Variants in FNDC3B observed in about 807,000 individuals in gnomAD.
The protein encoded by FNDC3B is fibronectin type III domain containing 3B.
A neutral mutation model predicts 151.5 loss-of-function variants in FNDC3B; 12 were observed. That is an observed-to-expected ratio of 0.08 (90% CI 0.05 to 0.13). FNDC3B has a LOEUF of 0.13. Ranked by LOEUF, FNDC3B falls within the 10% of genes least tolerant of loss-of-function variation. The probability of loss-of-function intolerance (pLI) is 1.00; values close to 1 mark genes in which losing one functional copy is unlikely to be tolerated. For missense variants in FNDC3B, 1,214 were observed against 1,505.3 expected (o/e 0.81, Z 3.20); for synonymous variants, 528 against 549.0 (o/e 0.96, Z 0.54).
rs151201539 is a variant in FNDC3B at position 172,341,515 on chromosome 3, GAATTTGCATTGACTA to G, written c.1971+288_1971+302del. ...ACCTGTGACAGTTGAAAATTGTCTG[GAATTTGCATTGACTA>G]AATAAAGGAGACCTCGGTTATTGCA... is the stretch of plus-strand genomic sequence containing the variant. On this transcript the variant is annotated intron_variant, in intron 17 of 25. Coordinates refer to ENST00000415807, the MANE Select transcript of FNDC3B (RefSeq NM_022763.4). Among the ~76,000 whole-genome samples the G allele has an allele frequency of 5.1e-3, 770 of 152,236 alleles. 6 individuals carry two copies. The highest frequency in any genetic ancestry group is 0.017 in the African/African-American group (723 of 41,524).
Position 172,369,237 on chromosome 3 carries a change from A to AT in FNDC3B, c.3008+6399dup, listed in dbSNP as rs529490388. On this transcript the variant is annotated intron_variant, in intron 23 of 25. Transcript: ENST00000415807. ...AAATAACAGAATGGAATTAGATAGC[A>AT]TTTTTTTCAGGTTGAAACAAGGCCA... is the stretch of plus-strand genomic sequence containing the variant. Among the ~76,000 whole-genome samples the AT allele has an allele frequency of 3.4e-3, 515 of 152,178 alleles. 1 individual carries two copies. Among genetic ancestry groups the AT allele is most frequent in the Middle Eastern group, 0.017 (5 of 294 alleles).
intron 3 of FNDC3B, chr3:172,225,310 AC>A: frequency 6.5e-6 from 1 of 154,422 alleles, no homozygotes; most frequent in Non-Finnish European, 1.4e-5. Flanking sequence ...AGTAGCTAGG[AC>A]CACAGGCGCG....
At chr3:172,308,335 C>A (rs1294107555) in intron 10 of FNDC3B, among the ~76,000 whole-genome samples, 1 of 152,142 alleles carries the variant, frequency 6.6e-6, no homozygotes, top group Non-Finnish European at 1.5e-5. Context: ...TGTGAGAAAA[C>A]AGTAGATTGT....
At chr3:172,340,109 T>C (rs767961168) in intron 16 of FNDC3B, among the ~76,000 whole-genome samples, 1 of 152,160 alleles carries the variant, frequency 6.6e-6, no homozygotes, top group African/African-American at 2.4e-5. Context: ...GGCCTGGAAT[T>C]GTGAGTCAGG....
intron 24 of FNDC3B, among the ~76,000 whole-genome samples, chr3:172,378,730 C>T (rs41273603): frequency 3.4e-4 from 52 of 152,242 alleles, no homozygotes; most frequent in Non-Finnish European, 4.7e-4. Context: ...CCAAGGAAGG[C>T]GTCAGACTCC....
At position 172,283,958 on chromosome 3, in the gene FNDC3B, G is replaced by A. The variant is rs574707262; in HGVS notation, c.791-1968G>A. Among the ~76,000 whole-genome samples, 4 of 152,134 alleles carry A rather than the reference G, an allele frequency of 2.6e-5. No individual in the cohort carries two copies. In the East Asian group the frequency reaches 7.7e-4, roughly 29 times the overall value. On this transcript the variant is annotated intron_variant, in intron 6 of 25. Transcript: ENST00000415807. ...TTTCAAAACCATGATATTACCACCA[G>A]CCCATTTGTATTTCTCACCAGACTA...
At position 172,335,020 on chromosome 3, in the gene FNDC3B, G is replaced by A; in HGVS notation, c.1718G>A (p.Gly573Glu). Reference sequence around the variant, plus strand: ...TGTACGACGAGTCCTGACAGGCCTGGACCTCCTACCAGACCGCTTGTCAAA... The same window carrying A: ...TGTACGACGAGTCCTGACAGGCCTGAACCTCCTACCAGACCGCTTGTCAAA... ...LVCTTSPDRP[G>E]PPTRPLVKGP... The change falls in exon 15 of 26, where the codon GGA (glycine) becomes GAA (glutamate). Residue 573 changes from glycine (G) to glutamate (E), a missense_variant. Coordinates refer to ENST00000415807, the MANE Select transcript of FNDC3B (RefSeq NM_022763.4). 6.2e-7 allele frequency: 1 copy of A among 1,613,522 alleles called. No individual in the cohort carries two copies. Among genetic ancestry groups the A allele is most frequent in the Non-Finnish European group, 8.5e-7 (1 of 1,179,814 alleles).
At chr3:172,172,028 A>G (rs1418558672) in intron 3 of FNDC3B, among the ~76,000 whole-genome samples, 1 of 152,198 alleles carries the variant, frequency 6.6e-6, no homozygotes, top group Non-Finnish European at 1.5e-5. Flanking sequence ...CCTAGCCATC[A>G]TTCCATTCCT....
chr3:172,127,723 G>T (rs1222252662), intron 2 of FNDC3B, among the ~76,000 whole-genome samples: 4 of 151,830 alleles, frequency 2.6e-5, no homozygotes, highest in Admixed American at 1.3e-4. Context: ...TCACTGTGTT[G>T]CCCAGGCTGG....
intron 12 of FNDC3B, chr3:172,329,934 A>G (rs1198462728): frequency 6.6e-6 from 1 of 152,238 alleles, no homozygotes; most frequent in Non-Finnish European, 1.5e-5. Context: ...ATATTGTAAA[A>G]CATTATTTCA....
At chr3:172,299,527 A>G (rs1233617156) in intron 9 of FNDC3B, among the ~76,000 whole-genome samples, 1 of 152,244 alleles carries the variant, frequency 6.6e-6, no homozygotes, top group Non-Finnish European at 1.5e-5. Context: ...ATAACACTAA[A>G]AAAACTTTTT....
chr3:172,065,623 G>T (rs985712331), intron 1 of FNDC3B, among the ~76,000 whole-genome samples: 3 of 152,232 alleles, frequency 2.0e-5, no homozygotes, highest in African/African-American at 7.2e-5. Context: ...AATAGGATAT[G>T]AGGTGCTCCC....
At chr3:172,302,677 TTTCATATTTGTTACC>T (rs1730975246) in intron 9 of FNDC3B, 1 of 152,210 alleles carries the variant, frequency 6.6e-6, no homozygotes, top group Admixed American at 6.5e-5. Context: ...TTAAAATCAC[TTTCATATTTGTTACC>T]CTATTCTTAA....
At chr3:172,181,395 C>CAAAAAAAAAAAAAAAAAAAAAAAAAA (rs755223783) in intron 3 of FNDC3B, among the ~76,000 whole-genome samples, 5 of 71,528 alleles carry the variant, frequency 7.0e-5, no homozygotes, top group African/African-American at 3.1e-4. Flanking sequence ...ACTCTGTCTC[C>CAAAAAAAAAAAAAAAAAAAAAAAAAA]AAAAAAAAAA....
intron 11 of FNDC3B, among the ~76,000 whole-genome samples, chr3:172,325,706 C>T (rs1054080696): frequency 6.6e-6 from 1 of 152,214 alleles, no homozygotes; most frequent in Non-Finnish European, 1.5e-5. Context: ...ACGCTGGCAT[C>T]GGATCACTGG....
intron 11 of FNDC3B, among the ~76,000 whole-genome samples, chr3:172,326,854 A>T (rs1732376791): frequency 6.6e-6 from 1 of 152,180 alleles, no homozygotes; most frequent in South Asian, 2.1e-4. Context: ...AAAAGGGGAA[A>T]GGAGACCAAA....
intron 1 of FNDC3B, among the ~76,000 whole-genome samples, chr3:172,092,439 C>T (rs1718885672): frequency 6.6e-6 from 1 of 152,174 alleles, no homozygotes; most frequent in Non-Finnish European, 1.5e-5. Context: ...GCTCAATACA[C>T]ATTATTATGT....
At chr3:172,088,525 C>A (rs1461275489) in intron 1 of FNDC3B, among the ~76,000 whole-genome samples, 1 of 152,126 alleles carries the variant, frequency 6.6e-6, no homozygotes, top group Non-Finnish European at 1.5e-5. Context: ...CAAGTCTGTA[C>A]CTTCGTAATT....
chr3:172,281,848 G>A (rs1729741816), intron 6 of FNDC3B, among the ~76,000 whole-genome samples: 2 of 152,152 alleles, frequency 1.3e-5, no homozygotes, highest in African/African-American at 4.8e-5. Context: ...ATTTTTGTGA[G>A]GGGATCAGTT....
Sources: gnomAD v4.1 joint callset for allele counts (sites outside exome capture counted in the v4.1 genomes callset) on GRCh38, gnomAD v4.1.1 for gene constraint, MANE v1.5 for transcripts, NCBI Gene and HGNC (gene_info 2026-07-23, HGNC 2026-07-21) for gene names.